Variants in TSNAXIP1 observed in about 807,000 individuals in gnomAD.
TSNAXIP1 encodes the protein translin-associated factor X-interacting protein 1.
A neutral mutation model predicts 84.8 loss-of-function variants in TSNAXIP1; 89 were observed. The observed-to-expected ratio is 1.05, with a 90% CI of 0.88 to 1.25. TSNAXIP1 has a LOEUF of 1.25. TSNAXIP1 is among the 50% of genes most tolerant of loss of function. The pLI is 0.00. For synonymous variants in TSNAXIP1, 347 were observed against 335.2 expected (o/e 1.04, Z -0.39); for missense variants, 874 against 887.6 (o/e 0.98, Z 0.20).
Position 67,826,159 on chromosome 16 carries a change from G to A in TSNAXIP1, c.1152G>A (p.Val384=). The A allele has an allele frequency of 6.2e-7, 1 of 1,613,210 alleles. No individual in the cohort carries two copies. The highest frequency in any genetic ancestry group is 8.5e-7 in the Non-Finnish European group (1 of 1,179,402). Residue 384 remains valine, a synonymous_variant, in exon 10 of 16, where the codon GTG becomes GTA. Transcript: ENST00000561639. ...CCCTCTCCCCACATGCAGATGTGGTGGCTGGGGGCCCAGAGCGCTGGCAGA... is the reference window on the plus strand; with the variant it reads ...CCCTCTCCCCACATGCAGATGTGGTAGCTGGGGGCCCAGAGCGCTGGCAGA... ...RPDWTKCKDV[V]AGGPERWQML...
At chr16:67,818,650 G>C (rs2056783497) in intron 2 of TSNAXIP1, among the ~76,000 whole-genome samples, 1 of 151,852 alleles carries the variant, frequency 6.6e-6, no homozygotes, top group Non-Finnish European at 1.5e-5. Flanking sequence ...AGGATCTCTT[G>C]ATCCCAGGAC....
In TSNAXIP1 at chr16:67,827,864, G is replaced by C; in HGVS notation, c.2010G>C (p.Glu670Asp). 1 of 1,614,154 alleles carries C rather than the reference G, an allele frequency of 6.2e-7. No homozygotes were observed. Residue 670 changes from glutamate to aspartate, a missense_variant, in exon 16 of 16, where the codon GAG (glutamate) becomes GAC (aspartate). Physicochemically the swap from Glu to Asp is conservative, Grantham distance 45. Transcript: ENST00000561639. ...TGAGCCAGGCCTTCCAGCTCCCTGA[G>C]TCGGAAATGCCAGAGGAGGGTGACG... ...TYMSQAFQLP[E>D]SEMPEEGDEK...
intron 2 of TSNAXIP1, among the ~76,000 whole-genome samples, chr16:67,817,275 G>T (rs866459573): frequency 6.6e-6 from 1 of 151,066 alleles, no homozygotes; most frequent in Admixed American, 6.6e-5. Context: ...ACAGTCTCCT[G>T]AGTAGCTGGG....
chr16:67,827,025 A>T lies in TSNAXIP1; in HGVS notation c.1617A>T (p.Thr539=). ...ETVAQLLKEM[T]NADSQNEGLL... is the part of the protein sequence containing the mutation. ...TAGCCCAGCTGCTGAAGGAGATGAC[A>T]AATGCTGACAGTCAGAACGAGGGGC... Residue 539 remains threonine (T), a synonymous_variant, in exon 13 of 16, where the codon ACA becomes ACT. Coordinates refer to ENST00000561639, the MANE Select transcript of TSNAXIP1 (RefSeq NM_001288990.3). 1 of 1,614,160 alleles carries T rather than the reference A, an allele frequency of 6.2e-7. No homozygotes were observed. The highest frequency in any genetic ancestry group is 1.1e-5 in the South Asian group (1 of 91,086).
chr16:67,817,232 T>C (rs2085980197), intron 2 of TSNAXIP1, among the ~76,000 whole-genome samples: 1 of 151,450 alleles, frequency 6.6e-6, no homozygotes. Context: ...TCACTGCAAG[T>C]TCCGCCTCCC....
intron 1 of TSNAXIP1, among the ~76,000 whole-genome samples, chr16:67,813,731 CAAAA>C (rs373627128): frequency 9.7e-5 from 4 of 41,206 alleles, no homozygotes; most frequent in Non-Finnish European, 1.8e-4. Flanking sequence ...GACTCCGTCT[CAAAA>C]AAAAAAAAAA....
At position 67,825,951 on chromosome 16, in the gene TSNAXIP1, G is replaced by A. The variant is rs201777144; in HGVS notation, c.1019G>A (p.Arg340His). The A allele has an allele frequency of 1.8e-4, 298 of 1,614,054 alleles. 3 individuals carry two copies. The South Asian group carries it at 2.8e-3, about 15-fold the overall frequency. The change falls in exon 9 of 16, where the codon CGC (arginine) becomes CAC (histidine). Residue 340 changes from arginine to histidine, a missense_variant. Physicochemically the swap from Arg to His is conservative, Grantham distance 29. Coordinates refer to ENST00000561639, the MANE Select transcript of TSNAXIP1 (RefSeq NM_001288990.3). ...CTGAGAGCCAGCTACGAGGAGGTTC[G>A]CAAGGAGCATGAGATCCTCATGCAG... ...DTLRASYEEV[R>H]KEHEILMQLH...
Position 67,820,884 on chromosome 16 carries a change from T to A in TSNAXIP1, c.193T>A (p.Tyr65Asn), listed in dbSNP as rs367834877. 2 of 1,598,700 alleles carry A rather than the reference T, an allele frequency of 1.3e-6. No homozygotes were observed. The highest frequency in any genetic ancestry group is 2.7e-5 in the African/African-American group (2 of 74,442). The change falls in exon 3 of 16, where the codon TAC becomes AAC. Residue 65 changes from tyrosine to asparagine, a missense_variant. Transcript: ENST00000561639. ...MGGHLSPWPT[Y>N]TSGQTILQNR... ...TGGGCACCTGTCCCCATGGCCCACA[T>A]ACACCAGTGGCCAGACCATTTTGCA...
intron 4 of TSNAXIP1, 34 bp from the exon 5 acceptor site, chr16:67,823,592 G>A (rs752581521): frequency 6.4e-7 from 1 of 1,574,126 alleles, no homozygotes; most frequent in Non-Finnish European, 8.7e-7. Flanking sequence ...GGCAGCTGTG[G>A]GCTAGGAGAT....
intron 13 of TSNAXIP1, 75 bp from the exon 14 acceptor site, chr16:67,827,174 C>T (rs927313146): frequency 1.9e-6 from 3 of 1,607,310 alleles, no homozygotes; most frequent in Non-Finnish European, 2.6e-6. Flanking sequence ...TCGGCACTCA[C>T]TCCCTTTTGA....
Position 67,827,300 on chromosome 16 carries a change from G to C in TSNAXIP1, c.1716G>C (p.Glu572Asp), listed in dbSNP as rs879116323. Residue 572 changes from glutamate to aspartate, a missense_variant, in exon 14 of 16, where the codon GAG becomes GAC. Coordinates refer to ENST00000561639, the MANE Select transcript of TSNAXIP1 (RefSeq NM_001288990.3). ...FPLKTEEQIQ[E>D]LMEAGGWHPS... ...TCAAGACAGAAGAGCAAATCCAGGA[G>C]CTGATGGAGGCAGGGGGCTGGCATC... 5.0e-6 allele frequency: 8 copies of C among 1,614,234 alleles called. No individual in the cohort carries two copies. The South Asian group carries it at 6.6e-5, about 13-fold the overall frequency.
chr16:67,819,645 C>CTTTT (rs886107623), intron 2 of TSNAXIP1, among the ~76,000 whole-genome samples: 1 of 132,488 alleles, frequency 7.5e-6, no homozygotes, highest in African/African-American at 2.8e-5. Context: ...TGCTTTCCCT[C>CTTTT]TTTTTTTTTT....
intron 2 of TSNAXIP1, among the ~76,000 whole-genome samples, chr16:67,819,680 T>C (rs2056874735): frequency 6.6e-6 from 1 of 150,670 alleles, no homozygotes; most frequent in Non-Finnish European, 1.5e-5. Flanking sequence ...AGAGTTTTGT[T>C]CTTGTTGTCC....
In TSNAXIP1 at chr16:67,826,495, A is replaced by G; in HGVS notation, c.1334A>G (p.Lys445Arg). 6.2e-7 allele frequency: 1 copy of G among 1,614,160 alleles called. No individual in the cohort carries two copies. Among genetic ancestry groups the G allele is most frequent in the Non-Finnish European group, 8.5e-7 (1 of 1,180,020 alleles). Residue 445 changes from lysine (K) to arginine (R), a missense_variant, in exon 11 of 16, where the codon AAG becomes AGG. Coordinates refer to ENST00000561639, the MANE Select transcript of TSNAXIP1 (RefSeq NM_001288990.3). The stretch of plus-strand genomic sequence containing the variant: ...TTTGATGGCCTCGTGGAGAACAAGA[A>G]GCCAAGCAAGAAGGACGTGGTCAAC... ...LRFDGLVENK[K>R]PSKKDVVNLL...
chr16:67,814,697 C>T (rs1386719288), intron 2 of TSNAXIP1, among the ~76,000 whole-genome samples: 2 of 152,176 alleles, frequency 1.3e-5, no homozygotes, highest in Non-Finnish European at 2.9e-5. Context: ...GCTCAGCATT[C>T]TGCAGCGGCC....
At position 67,827,460 on chromosome 16, in the gene TSNAXIP1, T is replaced by C. The variant is rs750287425; in HGVS notation, c.1792-13T>C. ...CCCAATGTGCCCTCCCCCTGACTTG[T>C]GGCCCCTCCCAGGATGAGGAGGGCC... On this transcript the variant is annotated splice_polypyrimidine_tract_variant and intron_variant, in intron 14 of 15. Transcript: ENST00000561639. 2.5e-6 allele frequency: 4 copies of C among 1,614,116 alleles called. No individual in the cohort carries two copies. Among genetic ancestry groups the C allele is most frequent in the South Asian group, 2.2e-5 (2 of 91,072 alleles).
At chr16:67,809,912 G>A (rs1322838115) in intron 1 of TSNAXIP1, among the ~76,000 whole-genome samples, 3 of 152,012 alleles carry the variant, frequency 2.0e-5, no homozygotes, top group African/African-American at 7.2e-5. Context: ...TCGGGCCACT[G>A]CACTCCAGTC....
rs373698457 is a variant in TSNAXIP1 at position 67,826,481 on chromosome 16, C to T, written c.1320C>T (p.Leu440=). 5.0e-6 allele frequency: 8 copies of T among 1,613,964 alleles called. No homozygotes were observed. Among genetic ancestry groups the T allele is most frequent in the African/African-American group, 4.0e-5 (3 of 74,910 alleles). ...AIPAFLRFDG[L]VENKKPSKKD... Reference sequence around the variant, plus strand: ...CTGCTTTTCTTCGGTTTGATGGCCTCGTGGAGAACAAGAAGCCAAGCAAGA... The same window carrying T: ...CTGCTTTTCTTCGGTTTGATGGCCTTGTGGAGAACAAGAAGCCAAGCAAGA... Residue 440 remains leucine, a synonymous_variant, in exon 11 of 16, where the codon CTC becomes CTT. Coordinates refer to ENST00000561639, the MANE Select transcript of TSNAXIP1 (RefSeq NM_001288990.3).
At chr16:67,810,833 G>A (rs1339110812) in intron 1 of TSNAXIP1, among the ~76,000 whole-genome samples, 9 of 150,258 alleles carry the variant, frequency 6.0e-5, no homozygotes, top group East Asian at 2.0e-4. Context: ...TCTGCCTCCC[G>A]GGTTCAAGCG....
Sources: allele counts gnomAD v4.1 joint callset (sites outside exome capture counted in the v4.1 genomes callset), GRCh38; gene constraint gnomAD v4.1.1; transcripts MANE v1.5; gene names NCBI Gene and HGNC (gene_info 2026-07-23, HGNC 2026-07-21).